DTNBP1: variants seen among roughly 807,000 people sequenced by gnomAD.
DTNBP1 encodes dystrobrevin binding protein 1, also known as dysbindin.
In DTNBP1, 35 loss-of-function variants were observed where a neutral mutation model predicts 42.8. The observed-to-expected ratio is 0.82, with a 90% CI of 0.63 to 1.09. The LOEUF is 1.09. DTNBP1 is among the 50% of genes least tolerant of loss of function. DTNBP1 has a pLI of 0.00. For missense variants in DTNBP1, 457 were observed against 424.2 expected (o/e 1.08, Z -0.68); for synonymous variants, 171 against 162.2 (o/e 1.05, Z -0.41).
chr6:15,648,399 G>A (rs1760802776), intron 3 of DTNBP1, among the ~76,000 whole-genome samples: 1 of 151,956 alleles, frequency 6.6e-6, no homozygotes, highest in Non-Finnish European at 1.5e-5. Context: ...TCTAGCCAGA[G>A]CAATTAGGCA....
At chr6:15,609,091 T>A (rs537179133) in intron 6 of DTNBP1, among the ~76,000 whole-genome samples, 21 of 152,216 alleles carry the variant, frequency 1.4e-4, no homozygotes, top group Non-Finnish European at 1.3e-4. Flanking sequence ...TTCTTAGTTT[T>A]TCCTCAGACT....
chr6:15,561,853 T>C (rs1774859475), intron 7 of DTNBP1, among the ~76,000 whole-genome samples: 1 of 152,154 alleles, frequency 6.6e-6, no homozygotes, highest in African/African-American at 2.4e-5. Flanking sequence ...TCAAAACCCA[T>C]CAAAACCAGA....
chr6:15,640,082 G>A (rs1009665566), intron 3 of DTNBP1, among the ~76,000 whole-genome samples: 2 of 152,030 alleles, frequency 1.3e-5, no homozygotes, highest in African/African-American at 4.8e-5. Flanking sequence ...CTAGACTATC[G>A]CAACCATTCA....
At chr6:15,607,213 G>T (rs1477782464) in intron 6 of DTNBP1, among the ~76,000 whole-genome samples, 1 of 152,012 alleles carries the variant, frequency 6.6e-6, no homozygotes, top group Non-Finnish European at 1.5e-5. Flanking sequence ...GTTTCACCAT[G>T]TTGGCCCGGC....
Position 15,587,223 on chromosome 6 carries a change from C to A in DTNBP1, c.511+5836G>T. Among the ~76,000 whole-genome samples the A allele has an allele frequency of 6.6e-6, 1 of 152,102 alleles. No individual in the cohort carries two copies. The highest frequency in any genetic ancestry group is 1.9e-4 in the East Asian group (1 of 5,196). On this transcript the variant is annotated intron_variant, in intron 7 of 9. Coordinates refer to ENST00000344537, the MANE Select transcript of DTNBP1 (RefSeq NM_032122.5). This position sits in a 1 kb window ranked among gnomAD's most constrained non-coding sequence, Gnocchi z 4.1. ...TTTAAGACTCACATATTGAAAACAA[C>A]AAAACTGCTTAGAAAAACTGAAGAT... is the stretch of plus-strand genomic sequence containing the variant.
rs778895369 is a variant in DTNBP1, at chr6:15,523,082, G to T, written c.949C>A (p.Pro317Thr). 9 of 1,614,094 alleles carry T rather than the reference G, an allele frequency of 5.6e-6. 1 individual carries two copies. The South Asian group carries it at 9.9e-5, about 18-fold the overall frequency. ...TRDISEGGES[P>T]VVQSDEEEVQ... ...TCCTCCTCATCGGACTGAACAACGGGGGACTCCCCACCCTCACTGATGTCC... is the reference window on the plus strand; with the variant it reads ...TCCTCCTCATCGGACTGAACAACGGTGGACTCCCCACCCTCACTGATGTCC... The change falls in exon 10 of 10, where the codon CCC (proline) becomes ACC (threonine). Residue 317 changes from proline to threonine, a missense_variant. Coordinates refer to ENST00000344537, the MANE Select transcript of DTNBP1 (RefSeq NM_032122.5).
intron 6 of DTNBP1, among the ~76,000 whole-genome samples, chr6:15,613,150 A>C (rs9476866): frequency 0.15 from 23,346 of 151,694 alleles, 2,647 homozygotes; most frequent in African/African-American, 0.32. Flanking sequence ...TCTACTAAAA[A>C]TAAAAAAAAT....
intron 3 of DTNBP1, among the ~76,000 whole-genome samples, chr6:15,645,669 A>G (rs529848146): frequency 6.6e-6 from 1 of 152,248 alleles, no homozygotes; most frequent in East Asian, 1.9e-4. Context: ...CCACATAAAC[A>G]GAGTTAAAAG....
Position 15,533,647 on chromosome 6 carries a change from C to T in DTNBP1, c.512-252G>A, listed in dbSNP as rs143888214. The stretch of plus-strand genomic sequence containing the variant: ...GCATGTGCTGTTCCCTTTGCTGGAA[C>T]GACCTTCCCACCCGCATCGCCCATT... On this transcript the variant is annotated intron_variant, in intron 7 of 9. Transcript: ENST00000344537. 638 of 634,798 alleles carry T rather than the reference C, an allele frequency of 1.0e-3. 8 individuals are homozygous for T. In the East Asian group the frequency reaches 0.013, roughly 13 times the overall value. 39.3% of individuals were successfully genotyped at this position (634,798 alleles called of 1,614,324 possible).
At position 15,573,775 on chromosome 6, in the gene DTNBP1, T is replaced by A. The variant is rs182119418; in HGVS notation, c.511+19284A>T. Among the ~76,000 whole-genome samples, 49 of 152,336 alleles carry A rather than the reference T, an allele frequency of 3.2e-4. 1 individual carries two copies. The East Asian group carries it at 5.8e-3, about 18-fold the overall frequency. On this transcript the variant is annotated intron_variant, in intron 7 of 9. Transcript: ENST00000344537. ...CAGACTGGAGAGCAGTGGTGCGATC[T>A]CGGCTGACTGCAACCTCTGCCTCCT...
At chr6:15,568,033 T>C (rs958840106) in intron 7 of DTNBP1, among the ~76,000 whole-genome samples, 4 of 152,172 alleles carry the variant, frequency 2.6e-5, no homozygotes, top group African/African-American at 9.6e-5. Context: ...TGGTACACCT[T>C]GGCATTTGAG....
chr6:15,569,243 T>C (rs1775231497), intron 7 of DTNBP1, among the ~76,000 whole-genome samples: 1 of 152,192 alleles, frequency 6.6e-6, no homozygotes, highest in Non-Finnish European at 1.5e-5. Flanking sequence ...ATCCCCACTG[T>C]TCCTATAGAC....
At chr6:15,554,766 C>CG (rs915132547) in intron 7 of DTNBP1, among the ~76,000 whole-genome samples, 2 of 152,140 alleles carry the variant, frequency 1.3e-5, no homozygotes, top group African/African-American at 2.4e-5. Flanking sequence ...AAAATGGTGG[C>CG]ATTAGCAAGA....
intron 6 of DTNBP1, among the ~76,000 whole-genome samples, chr6:15,613,554 G>A (rs1036273034): frequency 1.3e-5 from 2 of 151,722 alleles, no homozygotes; most frequent in African/African-American, 4.8e-5. Flanking sequence ...TTTTAGTAGA[G>A]ACAGGGTTTC....
Position 15,522,872 on chromosome 6 carries a change from T to A in DTNBP1, c.*103A>T. 6.3e-7 allele frequency: 1 copy of A among 1,595,488 alleles called. No homozygotes were observed. Among genetic ancestry groups the A allele is most frequent in the South Asian group, 1.1e-5 (1 of 89,832 alleles). On this transcript the variant is annotated 3_prime_UTR_variant, in exon 10 of 10. Transcript: ENST00000344537. ...TTCTCACACATTATTGGCAATTATG[T>A]AAAAATCAAGAACCTCTATAAAACA...
chr6:15,584,256 T>C (rs1032333110), intron 7 of DTNBP1, among the ~76,000 whole-genome samples: 4 of 152,104 alleles, frequency 2.6e-5, no homozygotes, highest in African/African-American at 9.7e-5. Context: ...ATTTCTTAGA[T>C]GAATGATCTA....
At chr6:15,622,754 G>C (rs1759110409) in intron 5 of DTNBP1, among the ~76,000 whole-genome samples, 1 of 152,186 alleles carries the variant, frequency 6.6e-6, no homozygotes, top group African/African-American at 2.4e-5. Flanking sequence ...GCAAAAAAGA[G>C]CTTCACAAAT....
rs1267719132 is a variant in DTNBP1, at chr6:15,587,753, C to G, written c.511+5306G>C. ...GTTCTGAGACAACTGAATATCGATACGTAAAAAAATGAAGGTAGACTTTTA... is the reference window on the plus strand; with the variant it reads ...GTTCTGAGACAACTGAATATCGATAGGTAAAAAAATGAAGGTAGACTTTTA... On this transcript the variant is annotated intron_variant, in intron 7 of 9. Coordinates refer to ENST00000344537, the MANE Select transcript of DTNBP1 (RefSeq NM_032122.5). This position sits in a 1 kb window ranked among gnomAD's most constrained non-coding sequence, Gnocchi z 4.1. Among the ~76,000 whole-genome samples the G allele has an allele frequency of 6.6e-6, 1 of 152,042 alleles. No homozygotes were observed. Among genetic ancestry groups the G allele is most frequent in the Non-Finnish European group, 1.5e-5 (1 of 68,018 alleles).
chr6:15,627,126 T>C (rs188130701), intron 5 of DTNBP1, among the ~76,000 whole-genome samples: 19 of 152,282 alleles, frequency 1.2e-4, no homozygotes, highest in South Asian at 2.1e-4. Flanking sequence ...TAATTATGTG[T>C]CCGGAGCTGA....
Sources: allele counts gnomAD v4.1 joint callset (sites outside exome capture counted in the v4.1 genomes callset), GRCh38; gene constraint gnomAD v4.1.1; non-coding constraint Gnocchi (gnomAD v3.1); transcripts MANE v1.5; gene names NCBI Gene and HGNC (gene_info 2026-07-23, HGNC 2026-07-21).